Variants in PDE12 observed in about 807,000 individuals in gnomAD.
PDE12 encodes the protein phosphodiesterase 12, also known as 2',5'-phosphodiesterase 12.
A neutral mutation model predicts 45.4 loss-of-function variants in PDE12; 26 were observed. That is an observed-to-expected ratio of 0.57 (90% CI 0.42 to 0.79). PDE12 has a LOEUF of 0.79. Ranked by LOEUF, PDE12 falls within the 30% of genes least tolerant of loss-of-function variation. The pLI, the probability that PDE12 is intolerant of heterozygous loss-of-function variation, is 0.00. For missense variants in PDE12, 668 were observed against 790.0 expected, an observed-to-expected ratio of 0.85 and a Z score of 1.85; for synonymous variants, 283 against 323.9, an observed-to-expected ratio of 0.87 and a Z score of 1.36.
the PDE12 span, chr3:57,596,527 ACT>A: frequency 1.3e-5 from 2 of 152,494 alleles, no homozygotes; most frequent in Non-Finnish European, 2.9e-5. Flanking sequence ...AGGACTCCAG[ACT>A]CTTCGGAAAC....
At chr3:57,602,582 G>GT in the PDE12 span, among the ~76,000 whole-genome samples, 2 of 151,710 alleles carry the variant, frequency 1.3e-5, no homozygotes, top group Admixed American at 6.6e-5. Context: ...CTCTTTTTTT[G>GT]TTTTTTGAGC....
the PDE12 span, chr3:57,633,178 T>A: frequency 8.3e-5 from 95 of 1,141,052 alleles, no homozygotes; most frequent in Non-Finnish European, 1.1e-4. Flanking sequence ...ACACACAACT[T>A]AAGATATGGT....
chr3:57,584,583 G>A, the PDE12 span: 2 of 830,808 alleles, frequency 2.4e-6, no homozygotes, highest in South Asian at 1.8e-5. Context: ...TTCTAAATGA[G>A]TTAGAAATGA....
At position 57,561,804 on chromosome 3, in the gene PDE12, G is replaced by C. The variant is rs1046556232; in HGVS notation, c.*1800G>C. The stretch of plus-strand genomic sequence containing the variant: ...TATTCTGCTCACTATCAAATGTATT[G>C]TTAACACTTAGTAAGTTTGAAAATG... On this transcript the variant is annotated 3_prime_UTR_variant, in exon 3 of 3. Transcript: ENST00000311180. 3 of 984,546 alleles carry C rather than the reference G, an allele frequency of 3.0e-6. No individual in the cohort carries two copies. Among genetic ancestry groups the C allele is most frequent in the African/African-American group, 1.7e-5 (1 of 57,268 alleles). The allele number at this position is 984,546 out of a possible 1,614,324, so 61.0% of individuals were successfully genotyped here.
At chr3:57,607,655 A>T in the PDE12 span, among the ~76,000 whole-genome samples, 2 of 152,188 alleles carry the variant, frequency 1.3e-5, no homozygotes, top group African/African-American at 4.8e-5. Context: ...GGAAGATCAC[A>T]TGAATGAAAT....
the PDE12 span, among the ~76,000 whole-genome samples, chr3:57,588,297 A>G: frequency 0.16 from 24,749 of 152,152 alleles, 2,679 homozygotes; most frequent in East Asian, 0.48. Context: ...CCAGGCAGTC[A>G]CTCACACCTG....
At chr3:57,631,076 C>T in the PDE12 span, 1 of 1,049,646 alleles carries the variant, frequency 9.5e-7, no homozygotes, top group Non-Finnish European at 1.4e-6. Flanking sequence ...TAATCATATG[C>T]CCTTTCAATG....
chr3:57,557,399 C>G lies in PDE12; in HGVS notation c.1020C>G (p.Thr340=), dbSNP rs758330953. ...AGAACCTTATCCAGAAGGAACTCAC[C>G]GGCTACAACGCCGATGTCATCTGTT... ...YRQNLIQKEL[T]GYNADVICLQ... The change falls in exon 1 of 3, where the codon ACC becomes ACG. Residue 340 remains threonine, a synonymous_variant. Coordinates refer to ENST00000311180, the MANE Select transcript of PDE12 (RefSeq NM_177966.7). 3.7e-6 allele frequency: 6 copies of G among 1,613,872 alleles called. No homozygotes were observed. In the South Asian group the frequency reaches 4.4e-5, roughly 12 times the overall value.
At chr3:57,628,958 G>T in the PDE12 span, 1 of 1,352,136 alleles carries the variant, frequency 7.4e-7, no homozygotes. Context: ...AATAGGTAAG[G>T]CTACTGTGAA....
chr3:57,646,398 C>A, the PDE12 span: 1 of 1,613,968 alleles, frequency 6.2e-7, no homozygotes, highest in Non-Finnish European at 8.5e-7. Flanking sequence ...AGCACCAGCT[C>A]CCAGAGCATC....
chr3:57,646,445 G>C, the PDE12 span: 3 of 1,606,176 alleles, frequency 1.9e-6, no homozygotes, highest in African/African-American at 4.0e-5. Flanking sequence ...ACACCTGAAA[G>C]GTGATGCACA....
At chr3:57,649,964 A>G in the PDE12 span, among the ~76,000 whole-genome samples, 3 of 151,750 alleles carry the variant, frequency 2.0e-5, no homozygotes, top group Admixed American at 2.0e-4. Flanking sequence ...ACTCAGCCAT[A>G]AAAAGGAATG....
the PDE12 span, among the ~76,000 whole-genome samples, chr3:57,585,958 G>A: frequency 1.3e-5 from 2 of 152,020 alleles, no homozygotes; most frequent in African/African-American, 2.4e-5. Context: ...CACTGTGTCC[G>A]GCCTAAATTC....
Position 57,560,512 on chromosome 3 carries a change from A to G in PDE12, c.*508A>G. On this transcript the variant is annotated 3_prime_UTR_variant, in exon 3 of 3. Transcript: ENST00000311180. ...GGCTAATTTTTGTATTTTTAGTAGA[A>G]ATGGGGTTTCGCCACGTTGGCCAGG... 2.2e-6 allele frequency: 1 copy of G among 453,420 alleles called. No individual in the cohort carries two copies. Among genetic ancestry groups the G allele is most frequent in the Non-Finnish European group, 2.9e-6 (1 of 343,708 alleles). The allele number at this position is 453,420 out of a possible 1,614,324, so 28.1% of individuals were successfully genotyped here. A position where few individuals can be genotyped will look rare whatever the true frequency, so the allele number is the denominator to read the frequency against.
At chr3:57,605,952 GAA>G in the PDE12 span, among the ~76,000 whole-genome samples, 5 of 152,078 alleles carry the variant, frequency 3.3e-5, no homozygotes, top group Non-Finnish European at 7.4e-5. Context: ...AAATGAAACA[GAA>G]AAGAGTCAAA....
chr3:57,655,685 T>C, the PDE12 span, among the ~76,000 whole-genome samples: 3 of 152,212 alleles, frequency 2.0e-5, no homozygotes, highest in East Asian at 5.8e-4. Context: ...TAAGTGACCC[T>C]TGTGTTTAAA....
the PDE12 span, among the ~76,000 whole-genome samples, chr3:57,652,032 T>C: frequency 6.6e-6 from 1 of 152,076 alleles, no homozygotes; most frequent in African/African-American, 2.4e-5. Context: ...ACACCCTCTC[T>C]ACAAAAATAA....
chr3:57,646,209 G>A, the PDE12 span: 2 of 1,444,584 alleles, frequency 1.4e-6, no homozygotes, highest in Non-Finnish European at 1.9e-6. Flanking sequence ...ATGCAATAAT[G>A]GGTGGGGAAA....
chr3:57,578,398 A>AG, the PDE12 span, among the ~76,000 whole-genome samples: 1 of 151,920 alleles, frequency 6.6e-6, no homozygotes, highest in Non-Finnish European at 1.5e-5. Context: ...CTTAAAAAAA[A>AG]AAAGAAAGAA....
Sources: gnomAD v4.1 joint callset for allele counts (sites outside exome capture counted in the v4.1 genomes callset) on GRCh38, gnomAD v4.1.1 for gene constraint, MANE v1.5 for transcripts, NCBI Gene and HGNC (gene_info 2026-07-23, HGNC 2026-07-21) for gene names.